SASH1: variants seen among roughly 807,000 people sequenced by gnomAD.
The protein encoded by SASH1 is SAM and SH3 domain containing 1, also known as SAM and SH3 domain-containing protein 1.
A neutral mutation model predicts 125.2 loss-of-function variants in SASH1; 44 were observed. The ratio of observed to expected loss-of-function variants is 0.35; its 90% CI spans 0.28 to 0.45. The LOEUF (loss-of-function observed/expected upper bound fraction) is 0.45. Ranked by LOEUF, SASH1 falls within the 20% of genes least tolerant of loss-of-function variation. SASH1 has a pLI of 1.00. For missense variants in SASH1, 1,426 were observed against 1,614.5 expected (o/e 0.88, Z 2.00); for synonymous variants, 639 against 649.1 (o/e 0.98, Z 0.24).
intron 2 of SASH1, among the ~76,000 whole-genome samples, chr6:148,397,433 C>T (rs145170764): frequency 0.014 from 2,105 of 152,168 alleles, 47 homozygotes; most frequent in African/African-American, 0.047. Flanking sequence ...TGCAGTGAGC[C>T]GAGATCGCAC....
At chr6:148,267,430 G>C (rs1429436673), upstream of SASH1, among the ~76,000 whole-genome samples, 2 of 129,146 alleles carry the variant, frequency 1.5e-5, no homozygotes, top group Non-Finnish European at 3.4e-5. Context: ...CCAGGCTGGA[G>C]TGCACTGGCG....
chr6:148,479,935 ATCC>A (rs1474662444), intron 7 of SASH1: 5 of 155,336 alleles, frequency 3.2e-5, no homozygotes, highest in Admixed American at 1.9e-4. Context: ...GGCAGCATAC[ATCC>A]TCAACTACTG....
the SASH1 span, among the ~76,000 whole-genome samples, chr6:148,263,360 A>G: frequency 6.6e-6 from 1 of 152,232 alleles, no homozygotes; most frequent in African/African-American, 2.4e-5. Flanking sequence ...AGGTTCACTG[A>G]GCTAGAACAG....
At chr6:148,238,813 G>A in the SASH1 span, among the ~76,000 whole-genome samples, 3 of 152,022 alleles carry the variant, frequency 2.0e-5, no homozygotes, top group African/African-American at 7.2e-5. Context: ...ATCTAGGCAC[G>A]TTCCTCTGCT....
upstream of SASH1, among the ~76,000 whole-genome samples, chr6:148,340,786 T>A (rs2114624767): frequency 6.6e-6 from 1 of 152,298 alleles, no homozygotes. Context: ...TTCAACACAA[T>A]GCCTCAATGC....
At chr6:148,284,125 T>C (rs9497992) in intron 1 of SASH1, among the ~76,000 whole-genome samples, 6,303 of 152,136 alleles carry the variant, frequency 0.041, 418 homozygotes, top group African/African-American at 0.14. Context: ...GGCTAAATTT[T>C]ACAATTTTTT....
intron 12 of SASH1, 66 bp from the exon 13 acceptor site, chr6:148,531,460 T>G: frequency 2.2e-6 from 3 of 1,363,506 alleles, no homozygotes; most frequent in Non-Finnish European, 2.9e-6. Context: ...GCCAAGTCGC[T>G]GAGAATTACA....
the SASH1 span, among the ~76,000 whole-genome samples, chr6:148,225,412 G>GT: frequency 0.36 from 54,496 of 152,040 alleles, 9,852 homozygotes; most frequent in East Asian, 0.39. Context: ...ATGAAATAAT[G>GT]TTTTTTGCAG....
intron 2 of SASH1, among the ~76,000 whole-genome samples, chr6:148,390,473 C>G (rs1028597172): frequency 6.6e-6 from 1 of 152,154 alleles, no homozygotes; most frequent in South Asian, 2.1e-4. Context: ...GCAATAGGAT[C>G]GAACCTTTGC....
chr6:148,350,690 C>T (rs1781697876), intron 1 of SASH1, among the ~76,000 whole-genome samples: 1 of 152,108 alleles, frequency 6.6e-6, no homozygotes. Flanking sequence ...ACATTCTTGG[C>T]ATTAGTAAAA....
chr6:148,411,345 T>A (rs1784623440), intron 2 of SASH1, among the ~76,000 whole-genome samples: 1 of 152,110 alleles, frequency 6.6e-6, no homozygotes, highest in Admixed American at 6.6e-5. Context: ...TATAAAAATA[T>A]TTCCCCAGTA....
chr6:148,358,367 G>T (rs1466499083), intron 1 of SASH1, among the ~76,000 whole-genome samples: 1 of 152,204 alleles, frequency 6.6e-6, no homozygotes, highest in Non-Finnish European at 1.5e-5. Flanking sequence ...CTCAAGAGAA[G>T]TAAGCACTGA....
At chr6:148,409,169 T>C (rs1784498115) in intron 2 of SASH1, among the ~76,000 whole-genome samples, 1 of 152,228 alleles carries the variant, frequency 6.6e-6, no homozygotes, top group Non-Finnish European at 1.5e-5. Context: ...TTGTCTCATC[T>C]CTTCTGCCAA....
the SASH1 span, among the ~76,000 whole-genome samples, chr6:148,217,918 G>C: frequency 6.6e-6 from 1 of 151,646 alleles, no homozygotes; most frequent in Non-Finnish European, 1.5e-5. Flanking sequence ...GAGAGGCTGA[G>C]GCAGGAGGAT....
chr6:148,384,071 A>G (rs561454730), intron 1 of SASH1, among the ~76,000 whole-genome samples: 3 of 152,312 alleles, frequency 2.0e-5, no homozygotes, highest in Non-Finnish European at 2.9e-5. Context: ...ATTGTCATAC[A>G]TATGGACAGA....
At chr6:148,276,373 C>T (rs771911770) in intron 1 of SASH1, among the ~76,000 whole-genome samples, 4 of 152,162 alleles carry the variant, frequency 2.6e-5, no homozygotes, top group Admixed American at 6.5e-5. Context: ...GCCTTGGACT[C>T]TCTCCTTTTG....
chr6:148,356,974 T>C (rs1781969625), intron 1 of SASH1, among the ~76,000 whole-genome samples: 2 of 152,246 alleles, frequency 1.3e-5, no homozygotes, highest in African/African-American at 4.8e-5. Context: ...GTTGGCCGTT[T>C]GTATATCTTC....
chr6:148,399,466 G>A (rs1225280455), intron 2 of SASH1, among the ~76,000 whole-genome samples: 1 of 151,892 alleles, frequency 6.6e-6, no homozygotes, highest in Admixed American at 6.6e-5. Context: ...CCTCAGGTGA[G>A]CCACCCGCGT....
intron 1 of SASH1, among the ~76,000 whole-genome samples, chr6:148,287,400 C>G (rs1481812759): frequency 2.6e-5 from 4 of 152,132 alleles, no homozygotes; most frequent in Non-Finnish European, 5.9e-5. Flanking sequence ...CCCCTGCTCT[C>G]TCTCCTTCAA....
Sources: allele counts gnomAD v4.1 joint callset (sites outside exome capture counted in the v4.1 genomes callset), GRCh38; gene constraint gnomAD v4.1.1; transcripts MANE v1.5; gene names NCBI Gene and HGNC (gene_info 2026-07-23, HGNC 2026-07-21).